The following MEGF10 variants were observed in gnomAD, a reference collection of about 807,000 sequenced individuals.
The protein encoded by MEGF10 is multiple epidermal growth factor-like domains protein 10.
A neutral mutation model predicts 147.5 loss-of-function variants in MEGF10; 86 were observed. That is an observed-to-expected ratio of 0.58 (90% confidence interval 0.49 to 0.70). The LOEUF (loss-of-function observed/expected upper bound fraction) is 0.70. Ranked by LOEUF, MEGF10 falls within the 30% of genes least tolerant of loss-of-function variation. The probability of loss-of-function intolerance (pLI) is 0.00; values close to 1 mark genes in which losing one functional copy is unlikely to be tolerated. For missense variants in MEGF10, 1,329 were observed against 1,487.3 expected (o/e 0.89, Z 1.75); for synonymous variants, 478 against 525.5 (o/e 0.91, Z 1.24).
intron 1 of MEGF10, among the ~76,000 whole-genome samples, chr5:127,308,885 T>C (rs1760133332): frequency 6.6e-6 from 1 of 151,852 alleles, no homozygotes; most frequent in African/African-American, 2.4e-5. Context: ...TAAAAATAAA[T>C]AAAAGTAAAA....
At chr5:127,262,154 T>G in the MEGF10 span, among the ~76,000 whole-genome samples, 1 of 152,204 alleles carries the variant, frequency 6.6e-6, no homozygotes, top group East Asian at 1.9e-4. Flanking sequence ...CTGCTTGTGC[T>G]TTGGGTATCA....
At chr5:127,358,298 G>A (rs1762347927) in intron 4 of MEGF10, among the ~76,000 whole-genome samples, 1 of 152,136 alleles carries the variant, frequency 6.6e-6, no homozygotes, top group South Asian at 2.1e-4. Context: ...GGGAGAAGGG[G>A]CAAAAGAAAC....
At chr5:127,232,634 A>C in the MEGF10 span, among the ~76,000 whole-genome samples, 4,543 of 152,236 alleles carry the variant, frequency 0.03, 223 homozygotes, top group African/African-American at 0.1. Context: ...AGTACAGGGT[A>C]AATGTCCCAA....
chr5:127,425,824 G>T (rs1180299797), intron 13 of MEGF10, among the ~76,000 whole-genome samples: 1 of 152,168 alleles, frequency 6.6e-6, no homozygotes, highest in East Asian at 1.9e-4. Flanking sequence ...TAAGCCCAGA[G>T]AAGCAAGCAA....
chr5:127,448,397 T>G (rs1766029894), intron 21 of MEGF10, among the ~76,000 whole-genome samples: 1 of 152,220 alleles, frequency 6.6e-6, no homozygotes, highest in Non-Finnish European at 1.5e-5. Context: ...AACCCAGAGC[T>G]GCTACTCCAA....
the MEGF10 span, among the ~76,000 whole-genome samples, chr5:127,260,338 C>T: frequency 6.6e-6 from 1 of 152,124 alleles, no homozygotes; most frequent in Admixed American, 6.6e-5. Flanking sequence ...CTTAAGCAGA[C>T]TCCTGTCTTG....
chr5:127,283,010 G>A, the MEGF10 span, among the ~76,000 whole-genome samples: 1 of 152,160 alleles, frequency 6.6e-6, no homozygotes, highest in Non-Finnish European at 1.5e-5. Context: ...CCTCTAAAGG[G>A]ATTCTTGCTC....
At chr5:127,277,061 T>C in the MEGF10 span, among the ~76,000 whole-genome samples, 2 of 152,080 alleles carry the variant, frequency 1.3e-5, no homozygotes, top group South Asian at 2.1e-4. Flanking sequence ...ATCTGAAGTA[T>C]AGAGCAAGAG....
intron 5 of MEGF10, among the ~76,000 whole-genome samples, chr5:127,395,650 T>C (rs1763882348): frequency 6.7e-6 from 1 of 149,582 alleles, no homozygotes; most frequent in Admixed American, 6.7e-5. Flanking sequence ...GTTCACGCCA[T>C]TCTCCTGCCT....
At chr5:127,424,115 T>C (rs1349035903) in intron 13 of MEGF10, among the ~76,000 whole-genome samples, 1 of 152,218 alleles carries the variant, frequency 6.6e-6, no homozygotes, top group Non-Finnish European at 1.5e-5. Context: ...CCAGCACTAT[T>C]TGTGAAAAGG....
chr5:127,280,528 G>C, the MEGF10 span, among the ~76,000 whole-genome samples: 1 of 152,262 alleles, frequency 6.6e-6, no homozygotes, highest in African/African-American at 2.4e-5. Context: ...GTTTCTCCCT[G>C]TCTGAAGTCT....
At chr5:127,419,057 AT>A in intron 10 of MEGF10, 62 bp from the exon 11 acceptor site, 1 of 1,532,756 alleles carries the variant, frequency 6.5e-7, no homozygotes, top group Non-Finnish European at 8.8e-7. Flanking sequence ...ATTTTTGTTT[AT>A]TTGTGTTGGC....
At chr5:127,362,509 G>A (rs565098031) in intron 4 of MEGF10, among the ~76,000 whole-genome samples, 17 of 151,792 alleles carry the variant, frequency 1.1e-4, no homozygotes, top group African/African-American at 3.4e-4. Context: ...GACTACAGGC[G>A]CCTGCCACCA....
chr5:127,343,616 C>T (rs1450553294), intron 4 of MEGF10, among the ~76,000 whole-genome samples: 1 of 152,128 alleles, frequency 6.6e-6, no homozygotes, highest in Non-Finnish European at 1.5e-5. Context: ...TTAAAAGTAG[C>T]TCTTCATTAG....
rs748228107 is a variant in MEGF10, at chr5:127,310,014, CTTTT to C, written c.-19+18962_-19+18965del. On this transcript the variant is annotated intron_variant, in intron 1 of 24. Coordinates refer to ENST00000503335, the MANE Select transcript of MEGF10 (RefSeq NM_001256545.2). ...CTTTCTTTCCTTCCTTCCTTCCTTT[CTTTT>C]TTTCTTTCTTTCTTTCCTTCTTTCT... Among the ~76,000 whole-genome samples the C allele has an allele frequency of 2.9e-3, 152 of 53,236 alleles. 16 individuals carry two copies. The highest frequency in any genetic ancestry group is 8.9e-3 in the African/African-American group (136 of 15,274). The allele number at this position is 53,236 out of a possible 152,430, so 34.9% of individuals were successfully genotyped here.
chr5:127,314,485 G>C (rs1760435363), intron 1 of MEGF10, among the ~76,000 whole-genome samples: 1 of 152,164 alleles, frequency 6.6e-6, no homozygotes, highest in South Asian at 2.1e-4. Context: ...TGGAGAGTTG[G>C]TTCCGTTAGA....
In MEGF10 at chr5:127,460,888, G is replaced by GCTTGTT. The variant is rs1384707549; in HGVS notation, c.*3570_*3571insCTTGTT. ...TATGCAAGTGTGAATTACGTGGTAT[G>GCTTGTT]GATGTTTGCTTGTTTATTAACTAAA... On this transcript the variant is annotated 3_prime_UTR_variant, in exon 25 of 25. Coordinates refer to ENST00000503335, the MANE Select transcript of MEGF10 (RefSeq NM_001256545.2). The GCTTGTT allele has an allele frequency of 6.6e-6, 1 of 152,128 alleles. No individual in the cohort carries two copies. The highest frequency in any genetic ancestry group is 1.5e-5 in the Non-Finnish European group (1 of 68,026). 9.4% of individuals were successfully genotyped at this position (152,128 alleles called of 1,614,324 possible).
chr5:127,376,849 G>T (rs1004080636), intron 5 of MEGF10, among the ~76,000 whole-genome samples: 1 of 152,140 alleles, frequency 6.6e-6, no homozygotes, highest in African/African-American at 2.4e-5. Context: ...CTATTAAGTG[G>T]TGGAGCCAAA....
chr5:127,270,339 T>C, the MEGF10 span, among the ~76,000 whole-genome samples: 271 of 152,132 alleles, frequency 1.8e-3, no homozygotes, highest in African/African-American at 6.1e-3. Flanking sequence ...AGGAGACCCA[T>C]CTCATGTGCA....
Sources: gnomAD v4.1 joint callset for allele counts (sites outside exome capture counted in the v4.1 genomes callset) on GRCh38, gnomAD v4.1.1 for gene constraint, MANE v1.5 for transcripts, NCBI Gene and HGNC (gene_info 2026-07-23, HGNC 2026-07-21) for gene names.